Variants in LIN7A observed in about 807,000 individuals in gnomAD.
LIN7A encodes lin-7 cell polarity scaffold A.
In LIN7A, 25 loss-of-function variants were observed where a neutral mutation model predicts 29.8. The observed-to-expected ratio is 0.84, with a 90% CI of 0.61 to 1.17. LIN7A has a LOEUF of 1.17. Ranked by LOEUF, LIN7A falls within the 50% of genes most tolerant of loss-of-function variation. The pLI is 0.00. For synonymous variants in LIN7A, 118 were observed against 107.5 expected, an observed-to-expected ratio of 1.10 and a Z score of -0.60; for missense variants, 239 against 287.0, an observed-to-expected ratio of 0.83 and a Z score of 1.21.
chr12:80,897,783 C>A (rs1027148633), intron 1 of LIN7A, among the ~76,000 whole-genome samples: 1 of 151,458 alleles, frequency 6.6e-6, no homozygotes, highest in African/African-American at 2.4e-5. Context: ...CCAGCCTGGG[C>A]GACAGAGTAA....
intron 1 of LIN7A, among the ~76,000 whole-genome samples, chr12:80,897,677 C>T (rs1474970019): frequency 1.3e-5 from 2 of 151,830 alleles, no homozygotes; most frequent in African/African-American, 4.8e-5. Context: ...TGGTGGTGGG[C>T]GCTTGTAATC....
chr12:80,838,767 G>A (rs1206600352), intron 4 of LIN7A, among the ~76,000 whole-genome samples: 48 of 152,110 alleles, frequency 3.2e-4, no homozygotes, highest in Admixed American at 3.1e-3. Context: ...ATTAAGCTGG[G>A]GATCTGTGTG....
intron 1 of LIN7A, among the ~76,000 whole-genome samples, chr12:80,935,364 T>A (rs1317702935): frequency 6.6e-6 from 1 of 152,142 alleles, no homozygotes; most frequent in African/African-American, 2.4e-5. Context: ...GACCAAAAAC[T>A]GAGTCCTAAC....
chr12:80,900,597 A>G (rs1478913780), intron 1 of LIN7A, among the ~76,000 whole-genome samples: 1 of 152,018 alleles, frequency 6.6e-6, no homozygotes, highest in Non-Finnish European at 1.5e-5. Context: ...ATTGATTTCT[A>G]TTTTTATTGT....
intron 4 of LIN7A, among the ~76,000 whole-genome samples, chr12:80,841,369 A>AAGGG (rs1872804498): frequency 7.0e-6 from 1 of 143,700 alleles, no homozygotes; most frequent in Admixed American, 6.9e-5. Flanking sequence ...GGAAGGAAGG[A>AAGGG]AGGAAGGAAG....
intron 4 of LIN7A, among the ~76,000 whole-genome samples, chr12:80,831,246 T>C (rs1317538916): frequency 6.6e-6 from 1 of 152,204 alleles, no homozygotes; most frequent in Non-Finnish European, 1.5e-5. Context: ...AGTTCATGTA[T>C]ATTTTGTCGA....
At chr12:80,856,979 A>G (rs1873633048) in intron 2 of LIN7A, among the ~76,000 whole-genome samples, 1 of 152,226 alleles carries the variant, frequency 6.6e-6, no homozygotes, top group African/African-American at 2.4e-5. Context: ...TAGTTGCCCC[A>G]ATATCCTTAT....
intron 5 of LIN7A, among the ~76,000 whole-genome samples, chr12:80,798,203 A>T (rs1158587599): frequency 2.6e-5 from 4 of 152,174 alleles, no homozygotes; most frequent in African/African-American, 9.7e-5. Context: ...CTGACACCAC[A>T]TGAAACAGAG....
At chr12:80,920,475 A>G (rs897290408) in intron 1 of LIN7A, among the ~76,000 whole-genome samples, 4 of 152,230 alleles carry the variant, frequency 2.6e-5, no homozygotes, top group Non-Finnish European at 5.9e-5. Flanking sequence ...TGATATTATT[A>G]AGGAAGACTG....
intron 4 of LIN7A, among the ~76,000 whole-genome samples, chr12:80,813,345 A>G (rs1235611151): frequency 1.3e-5 from 2 of 152,204 alleles, no homozygotes; most frequent in African/African-American, 2.4e-5. Flanking sequence ...TGATAAATAT[A>G]TATTTTAAAA....
chr12:80,824,523 T>G (rs939365038), intron 4 of LIN7A, among the ~76,000 whole-genome samples: 5 of 152,190 alleles, frequency 3.3e-5, no homozygotes, highest in Non-Finnish European at 7.3e-5. Context: ...ATGAAGCCAG[T>G]ATCACCTTAA....
chr12:80,820,406 C>G (rs190737297), intron 4 of LIN7A, among the ~76,000 whole-genome samples: 2 of 152,102 alleles, frequency 1.3e-5, no homozygotes, highest in Admixed American at 1.3e-4. Flanking sequence ...AAACTGAAAA[C>G]GAGCAAAAAA....
chr12:80,888,063 GC>G (rs1050606934), intron 2 of LIN7A, among the ~76,000 whole-genome samples: 1 of 152,122 alleles, frequency 6.6e-6, no homozygotes, highest in African/African-American at 2.4e-5. Flanking sequence ...GGAAGCTAAT[GC>G]CAAAGAATCC....
chr12:80,860,213 A>T (rs979226541), intron 2 of LIN7A, among the ~76,000 whole-genome samples: 1 of 152,194 alleles, frequency 6.6e-6, no homozygotes, highest in Non-Finnish European at 1.5e-5. Context: ...CCCCTTTGGT[A>T]GAGTTTTGGC....
At position 80,845,937 on chromosome 12, in the gene LIN7A, T is replaced by G; in HGVS notation, c.276A>C (p.Ala92=). ...PEFRARATAK[A]TVAAFAASEG... ...CACTAGCTGCAAAAGCTGCAACTGTTGCCTGAAAAAAAAAAAAAAAGATGG... is the reference window on the plus strand; with the variant it reads ...CACTAGCTGCAAAAGCTGCAACTGTGGCCTGAAAAAAAAAAAAAAAGATGG... The change falls in exon 4 of 6, where the codon GCA becomes GCC. Residue 92 remains alanine (A), a splice_region_variant and synonymous_variant. Transcript: ENST00000552864. The G allele has an allele frequency of 6.4e-7, 1 of 1,565,710 alleles. No individual in the cohort carries two copies. The highest frequency in any genetic ancestry group is 1.2e-5 in the South Asian group (1 of 82,962).
intron 5 of LIN7A, among the ~76,000 whole-genome samples, chr12:80,798,192 C>A (rs192754046): frequency 6.8e-4 from 104 of 152,258 alleles, no homozygotes; most frequent in Admixed American, 1.9e-3. Context: ...ATAAGGTCAG[C>A]CTGACACCAC....
At position 80,813,471 on chromosome 12, in the gene LIN7A, A is replaced by T. The variant is rs183913171; in HGVS notation, c.484-1788T>A. Among the ~76,000 whole-genome samples the T allele has an allele frequency of 2.2e-4, 33 of 152,326 alleles. No individual in the cohort carries two copies. In the East Asian group the frequency reaches 6.2e-3, roughly 28 times the overall value. ...GTTATGCATTGAATAAGCCCTTATT[A>T]TAAGTGAATAATTTTATATTAAGAA... On this transcript the variant is annotated intron_variant, in intron 4 of 5. Coordinates refer to ENST00000552864, the MANE Select transcript of LIN7A (RefSeq NM_004664.4).
intron 2 of LIN7A, among the ~76,000 whole-genome samples, chr12:80,886,922 A>T (rs1451723786): frequency 6.6e-6 from 1 of 152,084 alleles, no homozygotes; most frequent in Non-Finnish European, 1.5e-5. Flanking sequence ...TATCCATAAC[A>T]CATTTACATT....
intron 2 of LIN7A, among the ~76,000 whole-genome samples, chr12:80,881,256 A>G (rs541861288): frequency 2.2e-4 from 33 of 152,342 alleles, no homozygotes; most frequent in African/African-American, 7.2e-4. Context: ...TCACACAAGA[A>G]ACAGTCTGGC....
Sources: allele counts gnomAD v4.1 joint callset (sites outside exome capture counted in the v4.1 genomes callset), GRCh38; gene constraint gnomAD v4.1.1; transcripts MANE v1.5; gene names NCBI Gene and HGNC (gene_info 2026-07-23, HGNC 2026-07-21).